DISP1: variants seen among roughly 807,000 people sequenced by gnomAD.
DISP1 encodes protein dispatched homolog 1.
Under a neutral mutation model 37.3 loss-of-function variants are expected in DISP1, and 30 were observed. The observed-to-expected ratio is 0.80, with a 90% CI of 0.60 to 1.09. The LOEUF is 1.09. DISP1 is among the 50% of genes least tolerant of loss of function. The pLI, the probability that DISP1 is intolerant of heterozygous loss-of-function variation, is 0.00. For synonymous variants in DISP1, 634 were observed against 690.2 expected (o/e 0.92, Z 1.28); for missense variants, 1,598 against 1,879.5 (o/e 0.85, Z 2.77).
chr1:222,859,309 C>T (rs1035130445), intron 1 of DISP1, among the ~76,000 whole-genome samples: 2 of 152,114 alleles, frequency 1.3e-5, no homozygotes, highest in African/African-American at 4.8e-5. Flanking sequence ...GGGAGGGGAA[C>T]AGCACACATT....
chr1:222,892,953 T>A (rs887043831), intron 1 of DISP1, among the ~76,000 whole-genome samples: 1 of 152,236 alleles, frequency 6.6e-6, no homozygotes, highest in African/African-American at 2.4e-5. Flanking sequence ...TAATGTTTTA[T>A]GTGTTTTAAA....
Position 222,893,837 on chromosome 1 carries a change from C to T in DISP1, c.-158-34593C>T, listed in dbSNP as rs1408039811. On this transcript the variant is annotated intron_variant, in intron 1 of 8. Transcript: ENST00000675850. The surrounding 1 kb of genome is among the most constrained non-coding windows in gnomAD (Gnocchi z 4.3). ...TGTTTCAGCCCTGTTTGTGTTACAG[C>T]TCTTTCAGCCCTGCCATTCAGCAGG... 2.0e-5 allele frequency among the ~76,000 whole-genome samples: 3 copies of T among 152,192 alleles called. No individual in the cohort carries two copies. The highest frequency in any genetic ancestry group is 2.0e-4 in the Admixed American group (3 of 15,286).
At chr1:222,877,614 A>G (rs904862563) in intron 1 of DISP1, among the ~76,000 whole-genome samples, 2 of 152,236 alleles carry the variant, frequency 1.3e-5, no homozygotes, top group Admixed American at 6.5e-5. Context: ...CTGGGAATAA[A>G]ATGTGAGCAA....
At chr1:222,969,779 A>G (rs1676802867) in intron 3 of DISP1, among the ~76,000 whole-genome samples, 1 of 152,140 alleles carries the variant, frequency 6.6e-6, no homozygotes, top group Admixed American at 6.6e-5. Flanking sequence ...AAAAAGAGTT[A>G]CAATGTTTTA....
intron 1 of DISP1, among the ~76,000 whole-genome samples, chr1:222,867,423 GC>G (rs1416447916): frequency 1.3e-5 from 2 of 152,032 alleles, no homozygotes; most frequent in Non-Finnish European, 2.9e-5. Flanking sequence ...TACTTAAGTG[GC>G]TTGCTTTCTT....
At chr1:222,990,863 A>G in intron 5 of DISP1, 115 bp downstream of exon 5, 38 of 1,382,586 alleles carry the variant, frequency 2.7e-5, no homozygotes, top group Non-Finnish European at 3.9e-5. Context: ...TTCTCAAGCA[A>G]CAATTCTCTT....
intron 1 of DISP1, among the ~76,000 whole-genome samples, chr1:222,848,345 A>G (rs1278751836): frequency 6.6e-6 from 1 of 152,170 alleles, no homozygotes; most frequent in African/African-American, 2.4e-5. Context: ...GTCAACACGT[A>G]TTAGCGACTA....
intron 3 of DISP1, among the ~76,000 whole-genome samples, chr1:222,957,519 G>T (rs1046557280): frequency 2.0e-5 from 3 of 152,162 alleles, no homozygotes; most frequent in African/African-American, 7.2e-5. Flanking sequence ...AACCCAGGAG[G>T]TGGAGGTTGC....
chr1:222,972,318 T>C (rs1437414551), intron 3 of DISP1, among the ~76,000 whole-genome samples: 1 of 152,112 alleles, frequency 6.6e-6, no homozygotes, highest in African/African-American at 2.4e-5. Context: ...TTTTCCTTTT[T>C]TTCTCTTTAT....
At chr1:222,874,143 A>T (rs1225854311) in intron 1 of DISP1, among the ~76,000 whole-genome samples, 1 of 152,190 alleles carries the variant, frequency 6.6e-6, no homozygotes, top group East Asian at 1.9e-4. Context: ...CCAAGAGATC[A>T]GCTGTTAGTC....
intron 1 of DISP1, among the ~76,000 whole-genome samples, chr1:222,852,774 C>G (rs1452865696): frequency 2.6e-5 from 4 of 152,172 alleles, no homozygotes; most frequent in African/African-American, 4.8e-5. Context: ...TGAACAAACA[C>G]AAACCTTGTG....
At chr1:222,844,153 T>C (rs181912642) in intron 1 of DISP1, among the ~76,000 whole-genome samples, 1 of 152,286 alleles carries the variant, frequency 6.6e-6, no homozygotes, top group East Asian at 1.9e-4. Flanking sequence ...TGTGTTGAGG[T>C]TCCCTCAATT....
chr1:222,897,125 A>C (rs1386112366), intron 1 of DISP1, among the ~76,000 whole-genome samples: 1 of 152,240 alleles, frequency 6.6e-6, no homozygotes, highest in African/African-American at 2.4e-5. Context: ...GTGGACAAAC[A>C]AATTTTGATA....
rs984776512 is a variant in DISP1 at position 222,928,485 on chromosome 1, T to A, written c.-103T>A. On this transcript the variant is annotated 5_prime_UTR_variant, in exon 2 of 9. Transcript: ENST00000675850. Reference sequence around the variant, plus strand: ...GCCAACTCATTGCTTTCTGCTGTGCTGTGATCCTGCAGTCAGTTGCCGCTG... The same window carrying A: ...GCCAACTCATTGCTTTCTGCTGTGCAGTGATCCTGCAGTCAGTTGCCGCTG... 2 of 152,292 alleles carry A rather than the reference T, an allele frequency of 1.3e-5. No individual in the cohort carries two copies. The highest frequency in any genetic ancestry group is 2.9e-5 in the Non-Finnish European group (2 of 68,060). 9.4% of individuals were successfully genotyped at this position (152,292 alleles called of 1,614,324 possible).
chr1:222,967,126 T>TAA (rs1170573402), intron 3 of DISP1, among the ~76,000 whole-genome samples: 2 of 151,454 alleles, frequency 1.3e-5, no homozygotes, highest in Non-Finnish European at 3.0e-5. Context: ...TAGATCTACA[T>TAA]ATATATATAT....
Position 223,003,251 on chromosome 1 carries a change from CT to C in DISP1, c.1858del (p.Tyr620MetfsTer24). 6.2e-7 allele frequency: 1 copy of C among 1,614,194 alleles called. No individual in the cohort carries two copies. Among genetic ancestry groups the C allele is most frequent in the Non-Finnish European group, 8.5e-7 (1 of 1,180,036 alleles). On this transcript the variant is annotated frameshift_variant, in exon 9 of 9. Transcript: ENST00000675850. LOFTEE classifies it low-confidence loss of function (END_TRUNC). The surrounding 1 kb of genome is among the most constrained non-coding windows in gnomAD (Gnocchi z 4.3). ...TCACCAGTTTTACCACTGCTGCTGC[CT>C]TTTATGCTAACTATGTTAGCAACAT... is the stretch of plus-strand genomic sequence containing the variant. ...FVTSFTTAAAFYANYVSNITA... is the reference protein window; with the variant it reads ...FVTSFTTAAAXYANYVSNITA...
chr1:222,977,063 C>T (rs919893344), intron 3 of DISP1, among the ~76,000 whole-genome samples: 2 of 152,106 alleles, frequency 1.3e-5, no homozygotes, highest in Non-Finnish European at 2.9e-5. Context: ...GAGTTTCGCT[C>T]TTATTGCCCA....
chr1:222,881,020 C>G (rs893259544), intron 1 of DISP1, among the ~76,000 whole-genome samples: 2 of 152,048 alleles, frequency 1.3e-5, no homozygotes, highest in African/African-American at 4.8e-5. Context: ...GTGATTGCAC[C>G]ATTGTACTAC....
chr1:223,000,745 T>A (rs1055100931), intron 8 of DISP1, among the ~76,000 whole-genome samples: 1 of 152,180 alleles, frequency 6.6e-6, no homozygotes, highest in African/African-American at 2.4e-5. Flanking sequence ...AGTTCAGGGA[T>A]CATAGGTAAC....
Sources: gnomAD v4.1 joint callset for allele counts (sites outside exome capture counted in the v4.1 genomes callset) on GRCh38, gnomAD v4.1.1 for gene constraint, Gnocchi (gnomAD v3.1) non-coding constraint, MANE v1.5 for transcripts, NCBI Gene and HGNC (gene_info 2026-07-23, HGNC 2026-07-21) for gene names.